The following ASIC2 variants were observed in gnomAD, a reference collection of about 807,000 sequenced individuals.
The protein encoded by ASIC2 is acid sensing ion channel subunit 2.
ASIC2 carries 25 observed loss-of-function variants against 57.3 expected under a neutral mutation model. The observed-to-expected ratio is 0.44, with a 90% CI of 0.32 to 0.61. The LOEUF (loss-of-function observed/expected upper bound fraction) is 0.61, where lower values mean the gene tolerates loss of function less well. ASIC2 is among the 20% of genes least tolerant of loss of function. ASIC2 has a pLI of 0.06. For synonymous variants in ASIC2, 319 were observed against 307.5 expected, an observed-to-expected ratio of 1.04 and a Z score of -0.39; for missense variants, 641 against 738.1, an observed-to-expected ratio of 0.87 and a Z score of 1.52.
At chr17:33,166,688 G>C (rs919622479) in intron 1 of ASIC2, among the ~76,000 whole-genome samples, 1 of 152,210 alleles carries the variant, frequency 6.6e-6, no homozygotes, top group African/African-American at 2.4e-5. Context: ...GTGGGTTGCA[G>C]GGAAGTACAG....
At chr17:33,101,159 G>A (rs1383992282) in intron 2 of ASIC2, among the ~76,000 whole-genome samples, 1 of 152,098 alleles carries the variant, frequency 6.6e-6, no homozygotes, top group Non-Finnish European at 1.5e-5. Context: ...AGCTCCTTAG[G>A]ACCTGGCACC....
At chr17:33,818,193 G>A (rs1462183462) in intron 1 of ASIC2, among the ~76,000 whole-genome samples, 1 of 152,120 alleles carries the variant, frequency 6.6e-6, no homozygotes, top group Non-Finnish European at 1.5e-5. Context: ...ATGTGGGAAG[G>A]GAAAAACATT....
chr17:34,137,589 C>T (rs966797248), intron 1 of ASIC2, among the ~76,000 whole-genome samples: 1 of 152,168 alleles, frequency 6.6e-6, no homozygotes, highest in South Asian at 2.1e-4. Context: ...GTGTTTCTCC[C>T]CTCTGTAAGC....
chr17:33,944,372 T>A (rs1567764166), intron 1 of ASIC2, among the ~76,000 whole-genome samples: 1 of 152,212 alleles, frequency 6.6e-6, no homozygotes, highest in African/African-American at 2.4e-5. Context: ...AACTTTCATA[T>A]CCCTATCTCA....
At chr17:33,995,672 G>A (rs141228483) in intron 1 of ASIC2, among the ~76,000 whole-genome samples, 209 of 151,948 alleles carry the variant, frequency 1.4e-3, no homozygotes, top group East Asian at 0.012. Flanking sequence ...ATGTGTGTGT[G>A]TATATACACA....
chr17:33,524,033 C>A (rs1469784168), intron 1 of ASIC2, among the ~76,000 whole-genome samples: 8 of 152,222 alleles, frequency 5.3e-5, no homozygotes, highest in Admixed American at 5.2e-4. Flanking sequence ...CCTTCTCCAG[C>A]TCCTCTCAGC....
chr17:33,036,988 A>C (rs918216436), intron 3 of ASIC2, among the ~76,000 whole-genome samples: 2 of 152,130 alleles, frequency 1.3e-5, no homozygotes, highest in African/African-American at 4.8e-5. Context: ...GGAGCAGAAA[A>C]GATAACTATT....
chr17:33,723,105 C>T (rs192704203), intron 1 of ASIC2, among the ~76,000 whole-genome samples: 15 of 152,146 alleles, frequency 9.9e-5, no homozygotes, highest in African/African-American at 1.2e-4. Flanking sequence ...TAGCCCAAAG[C>T]TGAATACTGA....
intron 1 of ASIC2, among the ~76,000 whole-genome samples, chr17:33,895,700 C>T (rs938420258): frequency 1.3e-5 from 2 of 152,212 alleles, no homozygotes; most frequent in African/African-American, 4.8e-5. Context: ...TCTTCCCAGG[C>T]TGAGTTGATC....
chr17:34,090,068 C>T (rs1184750137), intron 1 of ASIC2, among the ~76,000 whole-genome samples: 1 of 152,126 alleles, frequency 6.6e-6, no homozygotes, highest in Admixed American at 6.6e-5. Context: ...CAGCACTAGG[C>T]CTGACAGATG....
chr17:33,273,581 G>C (rs1290977016), intron 1 of ASIC2, among the ~76,000 whole-genome samples: 1 of 152,172 alleles, frequency 6.6e-6, no homozygotes, highest in Non-Finnish European at 1.5e-5. Flanking sequence ...CTTCATGCCA[G>C]GACCCAGTGA....
chr17:33,862,391 G>A (rs1336728252), intron 1 of ASIC2, among the ~76,000 whole-genome samples: 2 of 151,848 alleles, frequency 1.3e-5, no homozygotes, highest in East Asian at 3.9e-4. Context: ...TTATGTCCCT[G>A]TTTTTCTTTT....
chr17:33,300,610 TA>T (rs1757117771), intron 1 of ASIC2, among the ~76,000 whole-genome samples: 1 of 152,270 alleles, frequency 6.6e-6, no homozygotes, highest in South Asian at 2.1e-4. Flanking sequence ...GCATAAGATT[TA>T]ATTTTCTTGT....
chr17:34,085,253 G>T (rs1598016021), intron 1 of ASIC2, among the ~76,000 whole-genome samples: 1 of 152,188 alleles, frequency 6.6e-6, no homozygotes, highest in Non-Finnish European at 1.5e-5. Flanking sequence ...CATGAAGGTT[G>T]TTGAATTTTG....
chr17:33,702,873 T>C (rs945057647), intron 1 of ASIC2, among the ~76,000 whole-genome samples: 9 of 152,196 alleles, frequency 5.9e-5, no homozygotes, highest in Non-Finnish European at 5.9e-5. Context: ...TGCCAGGCGA[T>C]GTACCAGGAA....
chr17:34,156,389 G>A lies in ASIC2; in HGVS notation c.144C>T (p.Ala48=). 1 of 1,614,200 alleles carries A rather than the reference G, an allele frequency of 6.2e-7. No individual in the cohort carries two copies. The highest frequency in any genetic ancestry group is 1.1e-5 in the South Asian group (1 of 91,092). ...GCAGCAGGCCCAGAGAGCCCACGAA[G>A]GCCACTGCCCACAGCACACGCCGGA... Residue 48 remains alanine (A), a synonymous_variant, in exon 1 of 10, where the codon GCC becomes GCT. Coordinates refer to the ASIC2 transcript ENST00000359872. The surrounding 1 kb of genome is among the most constrained non-coding windows in gnomAD (Gnocchi z 4.4).
intron 1 of ASIC2, among the ~76,000 whole-genome samples, chr17:33,501,289 A>G (rs1213112321): frequency 6.6e-6 from 1 of 152,234 alleles, no homozygotes; most frequent in Non-Finnish European, 1.5e-5. Context: ...ACGTCTTGTT[A>G]GCTCCATGCT....
chr17:33,144,498 C>T (rs149561590), intron 1 of ASIC2, among the ~76,000 whole-genome samples: 1,570 of 152,268 alleles, frequency 0.01, 25 homozygotes, highest in African/African-American at 0.036. Context: ...GATACCCTAG[C>T]ATTCTTCCAA....
intron 1 of ASIC2, among the ~76,000 whole-genome samples, chr17:33,590,456 T>A (rs1904789917): frequency 6.6e-6 from 1 of 151,876 alleles, no homozygotes; most frequent in Non-Finnish European, 1.5e-5. Context: ...GAGGAACAGG[T>A]TTCTTATTTA....
Sources: gnomAD v4.1 joint callset for allele counts (sites outside exome capture counted in the v4.1 genomes callset) on GRCh38, gnomAD v4.1.1 for gene constraint, Gnocchi (gnomAD v3.1) non-coding constraint, MANE v1.5 for transcripts, NCBI Gene and HGNC (gene_info 2026-07-23, HGNC 2026-07-21) for gene names.